The following PHEX variants were observed in gnomAD, a reference collection of about 807,000 sequenced individuals.
PHEX encodes the protein phosphate regulating endopeptidase X-linked, also known as phosphate-regulating neutral endopeptidase PHEX.
PHEX carries 16 observed loss-of-function variants against 68.0 expected under a neutral mutation model. That is an observed-to-expected ratio of 0.24 (90% confidence interval 0.16 to 0.36). PHEX has a LOEUF of 0.36. PHEX is among the 10% of genes least tolerant of loss of function. The probability of loss-of-function intolerance (pLI) is 1.00; values close to 1 mark genes in which losing one functional copy is unlikely to be tolerated. For missense variants in PHEX, 480 were observed against 575.5 expected, an observed-to-expected ratio of 0.83 and a Z score of 1.70; for synonymous variants, 208 against 205.1, an observed-to-expected ratio of 1.01 and a Z score of -0.12.
chrX:22,172,346 T>C (rs1228818009), intron 13 of PHEX: 2 of 111,930 alleles, frequency 1.8e-5, no homozygotes, highest in African/African-American at 3.2e-5. Flanking sequence ...GCACACTAGG[T>C]ATTTTAAACA....
Position 22,168,347 on chromosome X carries a change from G to A in PHEX, c.1440G>A (p.Glu480=), listed in dbSNP as rs1389516507. The A allele has an allele frequency of 3.3e-6, 4 of 1,195,950 alleles. No homozygotes were observed. Among genetic ancestry groups the A allele is most frequent in the East Asian group, 3.0e-5 (1 of 33,706 alleles). The change falls in exon 13 of 22, where the codon GAG becomes GAA. Residue 480 remains glutamate (E), a synonymous_variant. Coordinates refer to ENST00000379374, the MANE Select transcript of PHEX (RefSeq NM_000444.6). Reference sequence around the variant, plus strand: ...TTTTGGCAAAAGTTGGCTATCCAGAGTTTATAATGAATGATACTCATGTTA... The same window carrying A: ...TTTTGGCAAAAGTTGGCTATCCAGAATTTATAATGAATGATACTCATGTTA... ...RAVLAKVGYP[E]FIMNDTHVNE...
rs1212041494 is a variant in PHEX at position 22,250,172 on chromosome X, G to C, written c.*2219G>C. 1 of 112,270 alleles carries C rather than the reference G, an allele frequency of 8.9e-6. No homozygotes were observed. Among genetic ancestry groups the C allele is most frequent in the Non-Finnish European group, 1.9e-5 (1 of 53,266 alleles). The allele number at this position is 112,270 out of a possible 1,213,427, so 9.3% of individuals were successfully genotyped here. On this transcript the variant is annotated 3_prime_UTR_variant, in exon 22 of 22. Coordinates refer to ENST00000379374, the MANE Select transcript of PHEX (RefSeq NM_000444.6). ...AATCATCACTACTAGCTAGAACAAT[G>C]AGAAGGATTGAATTTCCAAATACAT...
intron 3 of PHEX, among the ~76,000 whole-genome samples, chrX:22,069,757 A>G (rs1000823815): frequency 1.4e-4 from 16 of 112,041 alleles, no homozygotes; most frequent in Non-Finnish European, 3.0e-4. Flanking sequence ...TATGTCATAC[A>G]GATTCAGTTA....
chrX:22,103,963 A>G (rs1335711758), intron 9 of PHEX, among the ~76,000 whole-genome samples: 1 of 111,752 alleles, frequency 8.9e-6, no homozygotes, highest in African/African-American at 3.3e-5. Context: ...CCATGCCAAC[A>G]TCTGTTATTT....
chrX:22,102,033 G>A lies in PHEX; in HGVS notation c.1079+2882G>A, dbSNP rs914053891. ...TAATAATCACATCAAGGTAAATGGG[G>A]TATCTATCCCCTCAAGCATTTGTCC... is the stretch of plus-strand genomic sequence containing the variant. On this transcript the variant is annotated intron_variant, in intron 9 of 21. Coordinates refer to ENST00000379374, the MANE Select transcript of PHEX (RefSeq NM_000444.6). 3.6e-5 allele frequency among the ~76,000 whole-genome samples: 4 copies of A among 111,520 alleles called. No individual in the cohort carries two copies. The Admixed American group carries it at 3.8e-4, about 11-fold the overall frequency.
At position 22,249,455 on chromosome X, in the gene PHEX, A is replaced by AAAATATATATATATAT; in HGVS notation, c.*1503_*1504insAATATATATATATATA. 7.6e-4 allele frequency: 30 copies of AAAATATATATATATAT among 39,734 alleles called. No individual in the cohort carries two copies. The highest frequency in any genetic ancestry group is 1.3e-3 in the African/African-American group (8 of 6,015). 3.3% of individuals were successfully genotyped at this position (39,734 alleles called of 1,213,427 possible). A position where few individuals can be genotyped will look rare whatever the true frequency, so the allele number is the denominator to read the frequency against. The stretch of plus-strand genomic sequence containing the variant: ...TTGTGATTCTTTTAAAAAAAAAAAA[A>AAAATATATATATATAT]ATATATATATATATATATATATATA... On this transcript the variant is annotated 3_prime_UTR_variant, in exon 22 of 22. Transcript: ENST00000379374.
chrX:22,236,786 A>G (rs1417360753), intron 20 of PHEX, among the ~76,000 whole-genome samples: 2 of 85,169 alleles, frequency 2.3e-5, no homozygotes, highest in Admixed American at 1.1e-4. Flanking sequence ...AGGACAAAGT[A>G]TAGTGATCTA....
At chrX:22,048,291 T>A (rs935880019) in intron 3 of PHEX, among the ~76,000 whole-genome samples, 3 of 111,085 alleles carry the variant, frequency 2.7e-5, no homozygotes, top group Non-Finnish European at 5.7e-5. Context: ...GATGTCAGGG[T>A]TTTCTCCTAA....
intron 5 of PHEX, among the ~76,000 whole-genome samples, chrX:22,087,986 C>T (rs191767284): frequency 2.5e-3 from 278 of 111,256 alleles, no homozygotes; most frequent in Middle Eastern, 9.4e-3. Flanking sequence ...GTCATGTAAC[C>T]ACCACTGTAA....
chrX:22,098,919 G>GA, intron 8 of PHEX, 87 bp from the exon 9 acceptor site: 1 of 749,864 alleles, frequency 1.3e-6, no homozygotes, highest in Non-Finnish European at 1.9e-6. Context: ...CAAAAGAAAT[G>GA]AATGATGCTC....
chrX:22,215,012 T>TA (rs1230306439), intron 16 of PHEX, among the ~76,000 whole-genome samples: 1 of 111,649 alleles, frequency 9.0e-6, no homozygotes, highest in African/African-American at 3.3e-5. Flanking sequence ...CCCTTCAAAC[T>TA]AAAAAAGTCC....
chrX:22,046,919 G>C (rs1262197583), intron 2 of PHEX, 131 bp from the exon 3 acceptor site: 2 of 568,841 alleles, frequency 3.5e-6, no homozygotes, highest in Admixed American at 5.0e-5. Context: ...GATTCAGAGA[G>C]TTTATTTAAG....
chrX:22,062,244 A>G (rs960481393), intron 3 of PHEX, among the ~76,000 whole-genome samples: 5 of 111,485 alleles, frequency 4.5e-5, no homozygotes, highest in African/African-American at 1.6e-4. Context: ...AACCATAACA[A>G]CAGGTTAAGT....
chrX:22,032,910 G>T lies in PHEX; in HGVS notation c.-96G>T. ...TCTTAAGCTGTCCATTAGTAGAAGA[G>T]CAAGAAAGCCTTGGATGTCAACGCC... On this transcript the variant is annotated 5_prime_UTR_variant, in exon 1 of 22. Coordinates refer to ENST00000379374, the MANE Select transcript of PHEX (RefSeq NM_000444.6). 1 of 629,887 alleles carries T rather than the reference G, an allele frequency of 1.6e-6. No homozygotes were observed. The highest frequency in any genetic ancestry group is 3.2e-5 in the East Asian group (1 of 31,026). 51.9% of individuals were successfully genotyped at this position (629,887 alleles called of 1,213,427 possible). A position where few individuals can be genotyped will look rare whatever the true frequency, so the allele number is the denominator to read the frequency against.
chrX:22,224,456 T>A (rs1247913059), intron 18 of PHEX, among the ~76,000 whole-genome samples: 5 of 111,961 alleles, frequency 4.5e-5, no homozygotes, highest in Non-Finnish European at 9.4e-5. Context: ...AAACTGCACA[T>A]CAGTCAATTA....
chrX:22,041,302 T>TATATATATA (rs1569367522), intron 2 of PHEX, among the ~76,000 whole-genome samples: 11 of 97,655 alleles, frequency 1.1e-4, no homozygotes, highest in Non-Finnish European at 1.6e-4. Context: ...TATATATATA[T>TATATATATA]TTTAACCAGG....
intron 13 of PHEX, among the ~76,000 whole-genome samples, chrX:22,176,401 AAAT>A (rs1396991206): frequency 0.016 from 968 of 59,898 alleles, 13 homozygotes; most frequent in African/African-American, 0.11. Flanking sequence ...AAAAAAAAAA[AAAT>A]ATATATATAT....
intron 12 of PHEX, among the ~76,000 whole-genome samples, chrX:22,168,093 T>C (rs890605346): frequency 9.0e-6 from 1 of 111,663 alleles, no homozygotes; most frequent in Non-Finnish European, 1.9e-5. Context: ...TTATTTTGTT[T>C]ACATTGTACT....
At chrX:22,198,712 AG>A (rs1313700518) in intron 15 of PHEX, among the ~76,000 whole-genome samples, 2 of 111,482 alleles carry the variant, frequency 1.8e-5, no homozygotes, top group Admixed American at 1.9e-4. Context: ...AGTGGAAGGA[AG>A]GCTTTGTGGG....
Sources: gnomAD v4.1 joint callset for allele counts (sites outside exome capture counted in the v4.1 genomes callset) on GRCh38, gnomAD v4.1.1 for gene constraint, MANE v1.5 for transcripts, NCBI Gene and HGNC (gene_info 2026-07-23, HGNC 2026-07-21) for gene names.